The following ETFDH variants were observed in gnomAD, a reference collection of about 807,000 sequenced individuals.
ETFDH encodes electron transfer flavoprotein-ubiquinone oxidoreductase, mitochondrial.
In ETFDH, 61 loss-of-function variants were observed where a neutral mutation model predicts 73.2. The observed-to-expected ratio is 0.83, with a 90% CI of 0.68 to 1.03. ETFDH has a LOEUF of 1.03. ETFDH is among the 50% of genes least tolerant of loss of function. The pLI, the probability that ETFDH is intolerant of heterozygous loss-of-function variation, is 0.00. For missense variants in ETFDH, 685 were observed against 745.0 expected, an observed-to-expected ratio of 0.92 and a Z score of 0.94; for synonymous variants, 243 against 253.3, an observed-to-expected ratio of 0.96 and a Z score of 0.39.
At chr4:158,673,550 A>C (rs773332933) in intron 1 of ETFDH, among the ~76,000 whole-genome samples, 1 of 152,190 alleles carries the variant, frequency 6.6e-6, no homozygotes, top group Non-Finnish European at 1.5e-5. Context: ...TTCCAAATTC[A>C]AGGATATTCT....
Position 158,689,629 on chromosome 4 carries a change from TATATATA to T in ETFDH, c.607-718_607-712del, listed in dbSNP as rs1561242394. On this transcript the variant is annotated intron_variant, in intron 5 of 12. Transcript: ENST00000511912. ...ATATATATATATATATATATATATA[TATATATA>T]TTGTGGGGGGGTGGGTTCATATCCA... 2.0e-3 allele frequency among the ~76,000 whole-genome samples: 234 copies of T among 117,254 alleles called. 15 individuals carry two copies. The highest frequency in any genetic ancestry group is 1.9e-3 in the East Asian group (8 of 4,254). The allele number at this position is 117,254 out of a possible 152,430, so 76.9% of individuals were successfully genotyped here. A position where few individuals can be genotyped will look rare whatever the true frequency, so the allele number is the denominator to read the frequency against.
At chr4:158,693,663 T>A (rs529156786) in intron 6 of ETFDH, among the ~76,000 whole-genome samples, 7 of 152,282 alleles carry the variant, frequency 4.6e-5, no homozygotes, top group African/African-American at 1.7e-4. Flanking sequence ...ATCAGAAATC[T>A]AAGAGATGAC....
At chr4:158,673,818 C>T (rs932900399) in intron 1 of ETFDH, among the ~76,000 whole-genome samples, 1 of 152,162 alleles carries the variant, frequency 6.6e-6, no homozygotes, top group Non-Finnish European at 1.5e-5. Flanking sequence ...TTGCCATTTT[C>T]GTAGCCTGCT....
intron 3 of ETFDH, among the ~76,000 whole-genome samples, chr4:158,684,130 G>A (rs140822998): frequency 3.0e-4 from 45 of 152,200 alleles, no homozygotes; most frequent in East Asian, 9.7e-4. Context: ...CTGGCCGGGC[G>A]TGTAATCCCA....
At chr4:158,689,595 C>CATATAT (rs573706904) in intron 5 of ETFDH, among the ~76,000 whole-genome samples, 9 of 32,764 alleles carry the variant, frequency 2.7e-4, no homozygotes, top group Non-Finnish European at 3.1e-4. Flanking sequence ...ATAAAACCTT[C>CATATAT]ATATATATAT....
chr4:158,697,613 G>A lies in ETFDH; in HGVS notation c.886G>A (p.Gly296Ser). 6.2e-7 allele frequency: 1 copy of A among 1,612,722 alleles called. No individual in the cohort carries two copies. The highest frequency in any genetic ancestry group is 8.5e-7 in the Non-Finnish European group (1 of 1,179,250). The change falls in exon 8 of 13, where the codon GGT (glycine) becomes AGT (serine). Residue 296 changes from glycine to serine, a missense_variant. Gly to Ser is a moderately conservative substitution (Grantham distance 56). Coordinates refer to ENST00000511912, the MANE Select transcript of ETFDH (RefSeq NM_004453.4). Reference sequence around the variant, plus strand: ...ACCTGGGAGAGTAGATCACACTGTTGGTTGGCCCTTGGACAGACATACCTA... The same window carrying A: ...ACCTGGGAGAGTAGATCACACTGTTAGTTGGCCCTTGGACAGACATACCTA... ...WKPGRVDHTV[G>S]WPLDRHTYGG...
intron 3 of ETFDH, 87 bp from the exon 4 acceptor site, chr4:158,684,505 C>A: frequency 1.3e-6 from 1 of 748,096 alleles, no homozygotes. Flanking sequence ...TTTTTGTCAT[C>A]AGAGTACATT....
At chr4:158,685,034 GTATT>G (rs973289317) in intron 4 of ETFDH, 63 bp from the exon 5 acceptor site, 5 of 915,844 alleles carry the variant, frequency 5.5e-6, no homozygotes, top group African/African-American at 1.7e-5. Flanking sequence ...AAATTTTAAA[GTATT>G]TATGTTTTTG....
chr4:158,708,263 C>T, intron 12 of ETFDH, 101 bp from the exon 13 acceptor site: 1 of 830,542 alleles, frequency 1.2e-6, no homozygotes, highest in Non-Finnish European at 1.9e-6. Flanking sequence ...CAGAAAGCAA[C>T]CTTTAAGGTT....
chr4:158,674,988 CT>C (rs1229205437), intron 1 of ETFDH, among the ~76,000 whole-genome samples: 1 of 151,796 alleles, frequency 6.6e-6, no homozygotes, highest in Non-Finnish European at 1.5e-5. Context: ...AAAAAATTAC[CT>C]GTTTTCTTCA....
In ETFDH at chr4:158,697,631, C is replaced by G; in HGVS notation, c.904C>G (p.His302Asp). The change falls in exon 8 of 13, where the codon CAT becomes GAT. Residue 302 changes from histidine (H) to aspartate (D), a missense_variant. Around this residue, in one of 3 missense-constraint regions of ETFDH, gnomAD observed 405 missense variants for 399.3 expected, o/e 1.01. Transcript: ENST00000511912. The stretch of plus-strand genomic sequence containing the variant: ...CACTGTTGGTTGGCCCTTGGACAGA[C>G]ATACCTATGGAGGATCTTTCCTCTA... ...DHTVGWPLDR[H>D]TYGGSFLYHL... 2 of 1,612,776 alleles carry G rather than the reference C, an allele frequency of 1.2e-6. No individual in the cohort carries two copies. Among genetic ancestry groups the G allele is most frequent in the Non-Finnish European group, 1.7e-6 (2 of 1,179,146 alleles).
chr4:158,694,891 C>T (rs1028680863), intron 6 of ETFDH, among the ~76,000 whole-genome samples: 26 of 152,116 alleles, frequency 1.7e-4, no homozygotes, highest in Admixed American at 4.6e-4. Context: ...TTGGTGTGCA[C>T]GGTAGACTGG....
rs765147554 is a variant in ETFDH at position 158,689,636 on chromosome 4, A to ATATATATATATATATT, written c.607-711_607-710insATATATATATATATTT. On this transcript the variant is annotated intron_variant, in intron 5 of 12. Transcript: ENST00000511912. ...TATATATATATATATATATATATAT[A>ATATATATATATATATT]TTGTGGGGGGGTGGGTTCATATCCA... Among the ~76,000 whole-genome samples the ATATATATATATATATT allele has an allele frequency of 6.2e-3, 394 of 63,634 alleles. 75 individuals carry two copies. Among genetic ancestry groups the ATATATATATATATATT allele is most frequent in the African/African-American group, 0.012 (201 of 16,322 alleles). The allele number at this position is 63,634 out of a possible 152,430, so 41.7% of individuals were successfully genotyped here.
At chr4:158,675,547 G>C (rs1773690070) in intron 1 of ETFDH, among the ~76,000 whole-genome samples, 1 of 152,100 alleles carries the variant, frequency 6.6e-6, no homozygotes, top group Non-Finnish European at 1.5e-5. Flanking sequence ...CGGGCATATT[G>C]CTCGAGCCCA....
At chr4:158,698,770 G>A (rs1053709734) in intron 8 of ETFDH, among the ~76,000 whole-genome samples, 1 of 152,088 alleles carries the variant, frequency 6.6e-6, no homozygotes, top group African/African-American at 2.4e-5. Context: ...TAATTTTGAT[G>A]ATAATAAACA....
chr4:158,676,199 G>A (rs1044367985), intron 1 of ETFDH, among the ~76,000 whole-genome samples: 2 of 152,182 alleles, frequency 1.3e-5, no homozygotes, highest in Non-Finnish European at 2.9e-5. Flanking sequence ...GGGTCAGAAA[G>A]TGGGGAGTGC....
chr4:158,706,727 G>C lies in ETFDH; in HGVS notation c.1567G>C (p.Ala523Pro). Residue 523 changes from alanine (A) to proline (P), a missense_variant, in exon 12 of 13, where the codon GCT becomes CCT. Coordinates refer to ENST00000511912, the MANE Select transcript of ETFDH (RefSeq NM_004453.4). ...CAGTTTTGACCTCTTGTCATCTGTG[G>C]CTCTGAGTGGTACTAATCATGAACA... Reference protein sequence around the residue: ...QISFDLLSSVALSGTNHEHDQ... With the variant: ...QISFDLLSSVPLSGTNHEHDQ... 1 of 1,613,786 alleles carries C rather than the reference G, an allele frequency of 6.2e-7. No individual in the cohort carries two copies. The highest frequency in any genetic ancestry group is 8.5e-7 in the Non-Finnish European group (1 of 1,179,728).
chr4:158,683,290 ATACCTGTCC>A (rs1773910760), intron 3 of ETFDH, among the ~76,000 whole-genome samples: 1 of 152,226 alleles, frequency 6.6e-6, no homozygotes, highest in Non-Finnish European at 1.5e-5. Context: ...GGGTTATATT[ATACCTGTCC>A]TACCTCCTAG....
In ETFDH at chr4:158,697,543, C is replaced by CTTTTTTTTTTTT. The variant is rs376153836; in HGVS notation, c.832-14_832-3dup. ...AAATACTGCAGGACTTTTTTGTTTG[C>CTTTTTTTTTTTT]TTTTTTTTTTTTTAGTTATGGGTTA... On this transcript the variant is annotated splice_polypyrimidine_tract_variant and intron_variant, in intron 7 of 12. Transcript: ENST00000511912. The CTTTTTTTTTTTT allele has an allele frequency of 1.5e-6, 2 of 1,362,254 alleles. No homozygotes were observed. Among genetic ancestry groups the CTTTTTTTTTTTT allele is most frequent in the African/African-American group, 1.5e-5 (1 of 66,002 alleles). The allele number at this position is 1,362,254 out of a possible 1,614,324, so 84.4% of individuals were successfully genotyped here. A position where few individuals can be genotyped will look rare whatever the true frequency, so the allele number is the denominator to read the frequency against.
Sources: gnomAD v4.1 joint callset for allele counts (sites outside exome capture counted in the v4.1 genomes callset) on GRCh38, gnomAD v4.1.1 for gene constraint, gnomAD v4.1.1 regional missense constraint, MANE v1.5 for transcripts, NCBI Gene and HGNC (gene_info 2026-07-23, HGNC 2026-07-21) for gene names.